The following CAMTA1 variants were observed in gnomAD, a reference collection of about 807,000 sequenced individuals.
CAMTA1 encodes calmodulin binding transcription activator 1, also known as calmodulin-binding transcription activator 1.
CAMTA1 carries 27 observed loss-of-function variants against 170.9 expected under a neutral mutation model. The observed-to-expected ratio is 0.16, with a 90% CI of 0.12 to 0.22. The LOEUF is 0.22. CAMTA1 is among the 10% of genes least tolerant of loss of function. The pLI is 1.00. For missense variants in CAMTA1, 1,619 were observed against 2,217.2 expected, an observed-to-expected ratio of 0.73 and a Z score of 5.42; for synonymous variants, 833 against 891.5, an observed-to-expected ratio of 0.93 and a Z score of 1.17.
At chr1:7,021,633 G>A (rs967540685) in intron 3 of CAMTA1, among the ~76,000 whole-genome samples, 4 of 152,166 alleles carry the variant, frequency 2.6e-5, no homozygotes, top group Non-Finnish European at 5.9e-5. Flanking sequence ...TCTTGATTGC[G>A]GTGACAGTTT....
Position 7,663,994 on chromosome 1 carries a change from T to C in CAMTA1, c.1447T>C (p.Phe483Leu). The C allele has an allele frequency of 6.2e-7, 1 of 1,613,888 alleles. No homozygotes were observed. Among genetic ancestry groups the C allele is most frequent in the South Asian group, 1.1e-5 (1 of 91,080 alleles). ...GRKIPETTMN[F>L]DPDCFLNNPK... ...GAAGATTCCAGAAACCACCATGAAC[T>C]TTGACCCCGACTGTTTCCTTAATAA... is the stretch of plus-strand genomic sequence containing the variant. The change falls in exon 9 of 23, where the codon TTT (phenylalanine) becomes CTT (leucine). Residue 483 changes from phenylalanine (F) to leucine (L), a missense_variant. Phe to Leu is a conservative substitution (Grantham distance 22). Coordinates refer to ENST00000303635, the MANE Select transcript of CAMTA1 (RefSeq NM_015215.4).
At chr1:6,983,445 C>A (rs1427431711) in intron 3 of CAMTA1, among the ~76,000 whole-genome samples, 1 of 152,214 alleles carries the variant, frequency 6.6e-6, no homozygotes. Context: ...CAGTTTAAAT[C>A]TCAACCCCCT....
At chr1:7,303,426 G>A (rs906831647) in intron 5 of CAMTA1, among the ~76,000 whole-genome samples, 19 of 152,134 alleles carry the variant, frequency 1.2e-4, no homozygotes, top group African/African-American at 4.3e-4. Context: ...GCACAAATAT[G>A]TTTATGAAGC....
At chr1:7,239,813 C>T (rs938516869) in intron 4 of CAMTA1, among the ~76,000 whole-genome samples, 2 of 151,596 alleles carry the variant, frequency 1.3e-5, no homozygotes, top group Non-Finnish European at 2.9e-5. Flanking sequence ...CTTGTGAGGG[C>T]CTTTGTGCTA....
intron 5 of CAMTA1, among the ~76,000 whole-genome samples, chr1:7,327,278 C>T (rs1465333741): frequency 2.0e-5 from 3 of 151,572 alleles, no homozygotes; most frequent in East Asian, 1.9e-4. Flanking sequence ...TGGTGGTGGG[C>T]GCCTGTAGTC....
chr1:7,192,919 T>G (rs761031631), intron 4 of CAMTA1, among the ~76,000 whole-genome samples: 21 of 152,196 alleles, frequency 1.4e-4, no homozygotes, highest in Non-Finnish European at 2.5e-4. Flanking sequence ...TGTGAAGGTC[T>G]CTGCAGAGTC....
intron 3 of CAMTA1, among the ~76,000 whole-genome samples, chr1:7,053,177 G>A (rs1302738832): frequency 1.3e-5 from 2 of 152,204 alleles, no homozygotes; most frequent in African/African-American, 2.4e-5. Context: ...AGTTCCAAGT[G>A]TTTGCCGCCG....
chr1:7,071,645 C>T (rs926524378), intron 3 of CAMTA1, among the ~76,000 whole-genome samples: 1 of 152,104 alleles, frequency 6.6e-6, no homozygotes, highest in African/African-American at 2.4e-5. Flanking sequence ...TTTAAAAAGC[C>T]AATTAATATC....
intron 4 of CAMTA1, among the ~76,000 whole-genome samples, chr1:7,189,725 A>C (rs1024950131): frequency 1.3e-5 from 2 of 152,270 alleles, no homozygotes; most frequent in Non-Finnish European, 2.9e-5. Context: ...AGCAGTGTGG[A>C]GATTCCTCAA....
chr1:7,397,238 A>C (rs10864298), intron 5 of CAMTA1, among the ~76,000 whole-genome samples: 107,826 of 151,892 alleles, frequency 0.71, 38,770 homozygotes, highest in Middle Eastern at 0.8. Flanking sequence ...GTGTTCAGAA[A>C]TTTTTCCATT....
At chr1:7,601,102 G>T (rs747486302) in intron 6 of CAMTA1, among the ~76,000 whole-genome samples, 3 of 150,580 alleles carry the variant, frequency 2.0e-5, no homozygotes, top group Non-Finnish European at 4.4e-5. Context: ...GCGGCTGGCC[G>T]GGCCGGGGGC....
chr1:7,190,343 GAT>G (rs1456364526), intron 4 of CAMTA1, among the ~76,000 whole-genome samples: 1 of 152,042 alleles, frequency 6.6e-6, no homozygotes, highest in Non-Finnish European at 1.5e-5. Flanking sequence ...CATATGAATA[GAT>G]ATATGTCTAT....
intron 4 of CAMTA1, among the ~76,000 whole-genome samples, chr1:7,118,580 G>A (rs996173750): frequency 2.0e-5 from 3 of 152,082 alleles, no homozygotes; most frequent in African/African-American, 2.4e-5. Context: ...AGAGAAGTTT[G>A]TCTGAGCTTT....
chr1:6,898,370 G>A (rs550638629), intron 3 of CAMTA1, among the ~76,000 whole-genome samples: 49 of 152,222 alleles, frequency 3.2e-4, no homozygotes, highest in Admixed American at 1.3e-3. Flanking sequence ...TGGCTAACAC[G>A]GTGAAACCCC....
Position 6,893,566 on chromosome 1 carries a change from A to G in CAMTA1, c.234+68356A>G, listed in dbSNP as rs191417078. On this transcript the variant is annotated intron_variant, in intron 3 of 22. Transcript: ENST00000303635. ...TCATCCCTGTTGATTAGGTTTGCAG[A>G]ATTCTAAATGGAGATTGTAGCTTCA... Among the ~76,000 whole-genome samples the G allele has an allele frequency of 5.9e-5, 9 of 152,298 alleles. No individual in the cohort carries two copies. In the East Asian group the frequency reaches 1.7e-3, roughly 29 times the overall value.
intron 6 of CAMTA1, among the ~76,000 whole-genome samples, chr1:7,622,353 A>G (rs1446804540): frequency 6.6e-6 from 1 of 152,232 alleles, no homozygotes; most frequent in East Asian, 1.9e-4. Flanking sequence ...TCTAACTTCC[A>G]CTTGGATGTG....
chr1:7,011,375 CA>C (rs1699759713), intron 3 of CAMTA1, among the ~76,000 whole-genome samples: 1 of 152,166 alleles, frequency 6.6e-6, no homozygotes, highest in Non-Finnish European at 1.5e-5. Flanking sequence ...AAAACCCTTC[CA>C]ATGCTCCTCA....
At chr1:7,717,998 G>T (rs1024148988) in intron 11 of CAMTA1, among the ~76,000 whole-genome samples, 1 of 152,160 alleles carries the variant, frequency 6.6e-6, no homozygotes, top group Admixed American at 6.5e-5. Context: ...GGAATGTAGC[G>T]GTGACTGGGA....
At chr1:7,399,693 G>T (rs74055416) in intron 5 of CAMTA1, among the ~76,000 whole-genome samples, 4,658 of 152,238 alleles carry the variant, frequency 0.031, 164 homozygotes, top group African/African-American at 0.082. Flanking sequence ...AGCTTTGCTT[G>T]TCTGGGACAG....
Sources: allele counts gnomAD v4.1 joint callset (sites outside exome capture counted in the v4.1 genomes callset), GRCh38; gene constraint gnomAD v4.1.1; transcripts MANE v1.5; gene names NCBI Gene and HGNC (gene_info 2026-07-23, HGNC 2026-07-21).